Variants in GALNTL6 observed in about 807,000 individuals in gnomAD.
GALNTL6 encodes polypeptide N-acetylgalactosaminyltransferase-like 6.
In GALNTL6, 46 loss-of-function variants were observed where a neutral mutation model predicts 73.7. That is an observed-to-expected ratio of 0.62 (90% confidence interval 0.49 to 0.80). The LOEUF is 0.80. GALNTL6 is among the 30% of genes least tolerant of loss of function. GALNTL6 has a pLI of 0.00. For synonymous variants in GALNTL6, 259 were observed against 263.7 expected, an observed-to-expected ratio of 0.98 and a Z score of 0.17; for missense variants, 604 against 755.0, an observed-to-expected ratio of 0.80 and a Z score of 2.34.
chr4:172,981,796 CT>C (rs56273122), intron 10 of GALNTL6, among the ~76,000 whole-genome samples: 22,095 of 101,832 alleles, frequency 0.22, 1,954 homozygotes, highest in East Asian at 0.29. Context: ...GTATGAACGT[CT>C]TTTTTTTTTT....
At chr4:172,612,284 T>C (rs576074543) in intron 5 of GALNTL6, among the ~76,000 whole-genome samples, 3 of 152,202 alleles carry the variant, frequency 2.0e-5, no homozygotes, top group Admixed American at 6.6e-5. Context: ...AAAATAGATA[T>C]TATGTCAAAT....
chr4:172,592,116 A>G (rs181297845), intron 5 of GALNTL6, among the ~76,000 whole-genome samples: 1 of 152,336 alleles, frequency 6.6e-6, no homozygotes, highest in East Asian at 1.9e-4. Context: ...TTTAGCTCAC[A>G]GTTCTGCGGT....
intron 5 of GALNTL6, among the ~76,000 whole-genome samples, chr4:172,688,037 AC>A (rs562054377): frequency 8.1e-4 from 124 of 152,326 alleles, no homozygotes; most frequent in African/African-American, 2.4e-3. Flanking sequence ...ACATTTAAAT[AC>A]TATTTCCTAG....
At chr4:172,363,759 T>C (rs1742458811) in intron 5 of GALNTL6, among the ~76,000 whole-genome samples, 1 of 152,174 alleles carries the variant, frequency 6.6e-6, no homozygotes, top group Admixed American at 6.5e-5. Flanking sequence ...AATAGAAATT[T>C]ATTTATTTAT....
chr4:171,952,947 C>T (rs953570675), intron 2 of GALNTL6, among the ~76,000 whole-genome samples: 1 of 151,974 alleles, frequency 6.6e-6, no homozygotes, highest in African/African-American at 2.4e-5. Flanking sequence ...GAATTAATAA[C>T]ATCATTTAGC....
chr4:172,977,052 A>G (rs2126421980), intron 10 of GALNTL6, among the ~76,000 whole-genome samples: 1 of 152,360 alleles, frequency 6.6e-6, no homozygotes, highest in South Asian at 2.1e-4. Context: ...TTACTGTCAA[A>G]CAGAATAGAA....
chr4:173,033,984 C>T (rs1190757003), intron 12 of GALNTL6, among the ~76,000 whole-genome samples: 1 of 152,204 alleles, frequency 6.6e-6, no homozygotes, highest in Non-Finnish European at 1.5e-5. Flanking sequence ...GCATCTCCAA[C>T]TCGTCATACC....
At chr4:172,118,373 A>G (rs974156399) in intron 2 of GALNTL6, among the ~76,000 whole-genome samples, 3 of 152,160 alleles carry the variant, frequency 2.0e-5, no homozygotes, top group Non-Finnish European at 4.4e-5. Flanking sequence ...AGGAAATTCA[A>G]AAAGAAAATT....
chr4:172,598,367 A>G (rs1455973297), intron 5 of GALNTL6, among the ~76,000 whole-genome samples: 10 of 152,140 alleles, frequency 6.6e-5, no homozygotes, highest in African/African-American at 2.4e-4. Flanking sequence ...CTTAAATGCC[A>G]AGTGGCTCAT....
intron 4 of GALNTL6, among the ~76,000 whole-genome samples, chr4:172,335,945 T>G (rs185818866): frequency 0.01 from 1,551 of 152,276 alleles, 22 homozygotes; most frequent in Middle Eastern, 0.027. Context: ...TTTTATTCAC[T>G]TCCACTCTGA....
intron 10 of GALNTL6, 78 bp from the exon 11 acceptor site, chr4:173,009,100 A>G (rs1007897297): frequency 7.6e-6 from 7 of 921,754 alleles, no homozygotes; most frequent in Non-Finnish European, 1.3e-5. Flanking sequence ...GTCTTACTTA[A>G]TCTACACCAT....
At chr4:173,003,596 G>A (rs755600830) in intron 10 of GALNTL6, among the ~76,000 whole-genome samples, 14 of 152,182 alleles carry the variant, frequency 9.2e-5, no homozygotes, top group Non-Finnish European at 1.6e-4. Context: ...CACTTCGCAT[G>A]CATCTGTTTA....
intron 2 of GALNTL6, among the ~76,000 whole-genome samples, chr4:171,903,722 T>C (rs866438533): frequency 2.2e-4 from 34 of 151,706 alleles, no homozygotes; most frequent in Non-Finnish European, 3.4e-4. Context: ...CAGCAGTAAC[T>C]TCTGCAGACT....
chr4:172,659,387 C>A (rs1279036353), intron 5 of GALNTL6, among the ~76,000 whole-genome samples: 4 of 152,242 alleles, frequency 2.6e-5, no homozygotes, highest in East Asian at 1.9e-4. Flanking sequence ...CATTTCAAAT[C>A]TTTTCTTCTA....
At chr4:172,052,334 AT>A in intron 2 of GALNTL6, 1 of 704,264 alleles carries the variant, frequency 1.4e-6, no homozygotes, top group Non-Finnish European at 2.3e-6. Context: ...TTGTGAGCTT[AT>A]TTAGAGATGG....
intron 2 of GALNTL6, among the ~76,000 whole-genome samples, chr4:172,099,953 C>G (rs1023491202): frequency 5.9e-5 from 9 of 152,012 alleles, no homozygotes; most frequent in Admixed American, 5.9e-4. Context: ...CTACTACCAC[C>G]ACTGAAAGAG....
At chr4:172,813,449 T>C (rs1457978387) in intron 6 of GALNTL6, 91 bp from the exon 7 acceptor site, 5 of 999,250 alleles carry the variant, frequency 5.0e-6, no homozygotes, top group Non-Finnish European at 6.0e-6. Context: ...GCATTATGCA[T>C]TAGTGGAGGA....
rs530237272 is a variant in GALNTL6, at chr4:172,011,113, A to C, written c.138+196395A>C. Reference sequence around the variant, plus strand: ...TGTACTATTACTATTTGCAACCTACAGATAAGAAATATAAGGCTTAGAGAG... The same window carrying C: ...TGTACTATTACTATTTGCAACCTACCGATAAGAAATATAAGGCTTAGAGAG... On this transcript the variant is annotated intron_variant, in intron 2 of 12. Transcript: ENST00000506823. 2.0e-5 allele frequency among the ~76,000 whole-genome samples: 3 copies of C among 152,216 alleles called. No individual in the cohort carries two copies. The East Asian group carries it at 5.8e-4, about 29-fold the overall frequency.
chr4:172,017,353 A>G (rs1393163251), intron 2 of GALNTL6, among the ~76,000 whole-genome samples: 2 of 151,978 alleles, frequency 1.3e-5, no homozygotes, highest in African/African-American at 4.8e-5. Flanking sequence ...TTGAGTGGGG[A>G]GGGATTGTGA....
Sources: allele counts gnomAD v4.1 joint callset (sites outside exome capture counted in the v4.1 genomes callset), GRCh38; gene constraint gnomAD v4.1.1; transcripts MANE v1.5; gene names NCBI Gene and HGNC (gene_info 2026-07-23, HGNC 2026-07-21).